Variants in SPOCK3 observed in about 807,000 individuals in gnomAD.
SPOCK3 encodes SPARC (osteonectin), cwcv and kazal like domains proteoglycan 3, also known as testican-3.
SPOCK3 carries 30 observed loss-of-function variants against 56.6 expected under a neutral mutation model. The observed-to-expected ratio is 0.53, with a 90% confidence interval of 0.40 to 0.72. The LOEUF is 0.72. Among genes scored for constraint, SPOCK3 ranks in the 30% least tolerant of loss-of-function variants. The pLI is 0.00. For missense variants in SPOCK3, 527 were observed against 530.0 expected (o/e 0.99, Z 0.06); for synonymous variants, 196 against 183.3 (o/e 1.07, Z -0.56).
At chr4:166,997,581 A>G (rs1199578905) in intron 4 of SPOCK3, among the ~76,000 whole-genome samples, 1 of 152,182 alleles carries the variant, frequency 6.6e-6, no homozygotes, top group Admixed American at 6.6e-5. Flanking sequence ...ACCTCCTCAA[A>G]GAAAACATGT....
At chr4:167,039,858 C>T (rs1218916514) in intron 3 of SPOCK3, among the ~76,000 whole-genome samples, 2 of 152,134 alleles carry the variant, frequency 1.3e-5, no homozygotes. Context: ...ACAATTAAGA[C>T]ACCTTGAGCC....
chr4:167,015,851 A>G (rs1750574418), intron 3 of SPOCK3, among the ~76,000 whole-genome samples: 1 of 152,130 alleles, frequency 6.6e-6, no homozygotes, highest in African/African-American at 2.4e-5. Flanking sequence ...CCTGGTGCAA[A>G]TGAAAATTCC....
chr4:166,861,703 A>T (rs899776585), intron 6 of SPOCK3, among the ~76,000 whole-genome samples: 7 of 152,102 alleles, frequency 4.6e-5, no homozygotes, highest in African/African-American at 1.7e-4. Flanking sequence ...GTCATCCACA[A>T]CATACTGGGG....
intron 4 of SPOCK3, among the ~76,000 whole-genome samples, chr4:166,959,185 G>A (rs956642831): frequency 2.0e-5 from 3 of 151,880 alleles, no homozygotes; most frequent in African/African-American, 7.3e-5. Flanking sequence ...AGTTAGTGAA[G>A]CAAAAAAATA....
chr4:166,958,636 A>G (rs1743793469), intron 4 of SPOCK3, among the ~76,000 whole-genome samples: 1 of 152,224 alleles, frequency 6.6e-6, no homozygotes, highest in South Asian at 2.1e-4. Flanking sequence ...AGTTATATGG[A>G]GAATAATCAG....
At chr4:166,786,113 AT>A in intron 7 of SPOCK3, among the ~76,000 whole-genome samples, 1 of 152,212 alleles carries the variant, frequency 6.6e-6, no homozygotes, top group East Asian at 1.9e-4. Context: ...TGCTGTTGCT[AT>A]TTTAGATGGG....
intron 2 of SPOCK3, among the ~76,000 whole-genome samples, chr4:167,103,399 C>T (rs1229438930): frequency 6.6e-6 from 1 of 152,094 alleles, no homozygotes; most frequent in Non-Finnish European, 1.5e-5. Flanking sequence ...CCAGGCCTGA[C>T]AGCATTTACC....
chr4:167,231,076 C>A (rs1737129562), intron 2 of SPOCK3, among the ~76,000 whole-genome samples: 1 of 152,050 alleles, frequency 6.6e-6, no homozygotes. Flanking sequence ...GTAACTCTAT[C>A]CATGCTCTTT....
Position 166,889,116 on chromosome 4 carries a change from T to C in SPOCK3, c.589+14A>G, listed in dbSNP as rs893923678. 12 of 1,443,428 alleles carry C rather than the reference T, an allele frequency of 8.3e-6. No individual in the cohort carries two copies. Among genetic ancestry groups the C allele is most frequent in the Admixed American group, 1.7e-5 (1 of 59,110 alleles). The allele number at this position is 1,443,428 out of a possible 1,614,324, so 89.4% of individuals were successfully genotyped here. On this transcript the variant is annotated intron_variant, in intron 6 of 10. Coordinates refer to ENST00000357545, the MANE Select transcript of SPOCK3 (RefSeq NM_001040159.2). The stretch of plus-strand genomic sequence containing the variant: ...TGATGAATGTAAAATTATAAATATA[T>C]TTTTGTCACTTACCTCTCTTAACAT...
At chr4:167,136,615 T>C (rs910686898) in intron 2 of SPOCK3, among the ~76,000 whole-genome samples, 5 of 152,164 alleles carry the variant, frequency 3.3e-5, no homozygotes, top group Non-Finnish European at 5.9e-5. Context: ...TTGCAGTTTA[T>C]TTTTTATGAA....
chr4:167,192,141 T>G (rs1732521437), intron 2 of SPOCK3, among the ~76,000 whole-genome samples: 1 of 146,142 alleles, frequency 6.8e-6, no homozygotes, highest in Non-Finnish European at 1.5e-5. Flanking sequence ...TATTTGTTCA[T>G]AGTATATGGT....
intron 4 of SPOCK3, among the ~76,000 whole-genome samples, chr4:166,949,718 T>A (rs1182575923): frequency 1.3e-5 from 2 of 151,706 alleles, no homozygotes; most frequent in Admixed American, 6.6e-5. Flanking sequence ...CTCAGAGGAG[T>A]ACCCGGCTGT....
intron 2 of SPOCK3, among the ~76,000 whole-genome samples, chr4:167,095,768 AATATATATATAT>A (rs144112827): frequency 6.7e-6 from 1 of 149,308 alleles, no homozygotes; most frequent in African/African-American, 2.4e-5. Flanking sequence ...TAAAAATCTG[AATATATATATAT>A]ATATGTGCAC....
chr4:166,890,341 C>T (rs897379699), intron 5 of SPOCK3, among the ~76,000 whole-genome samples: 1 of 151,846 alleles, frequency 6.6e-6, no homozygotes, highest in Non-Finnish European at 1.5e-5. Flanking sequence ...TGCTCTCAGC[C>T]TCAATTTTCC....
intron 4 of SPOCK3, among the ~76,000 whole-genome samples, chr4:166,994,625 TC>T (rs2150117896): frequency 6.6e-6 from 1 of 152,226 alleles, no homozygotes; most frequent in South Asian, 2.1e-4. Flanking sequence ...AGGAAATATA[TC>T]CCAATAATGA....
chr4:166,997,401 A>C (rs1359993790), intron 4 of SPOCK3, among the ~76,000 whole-genome samples: 1 of 152,178 alleles, frequency 6.6e-6, no homozygotes, highest in Non-Finnish European at 1.5e-5. Context: ...ATTAAAACAT[A>C]CTTGTTGACT....
intron 2 of SPOCK3, among the ~76,000 whole-genome samples, chr4:167,205,268 A>G (rs1375595127): frequency 1.4e-5 from 1 of 70,424 alleles, no homozygotes; most frequent in Non-Finnish European, 2.5e-5. Context: ...TTTTATATCT[A>G]TAATATATAT....
intron 4 of SPOCK3, among the ~76,000 whole-genome samples, chr4:166,916,807 G>A (rs750775060): frequency 6.6e-6 from 1 of 152,138 alleles, no homozygotes; most frequent in African/African-American, 2.4e-5. Context: ...ATTTGATCTT[G>A]AGTAATCCAT....
chr4:167,174,356 T>C (rs1162099947), intron 2 of SPOCK3, among the ~76,000 whole-genome samples: 2 of 151,824 alleles, frequency 1.3e-5, no homozygotes, highest in African/African-American at 4.8e-5. Flanking sequence ...ATTTTAAGGG[T>C]ACATTTTATG....
Sources: allele counts gnomAD v4.1 joint callset (sites outside exome capture counted in the v4.1 genomes callset), GRCh38; gene constraint gnomAD v4.1.1; transcripts MANE v1.5; gene names NCBI Gene and HGNC (gene_info 2026-07-23, HGNC 2026-07-21).